Variants in TRUB1 observed in about 807,000 individuals in gnomAD.
TRUB1 encodes the protein TruB pseudouridine synthase family member 1.
TRUB1 carries 23 observed loss-of-function variants against 33.9 expected under a neutral mutation model. The ratio of observed to expected loss-of-function variants is 0.68; its 90% confidence interval spans 0.49 to 0.96. The LOEUF is 0.96. TRUB1 is among the 40% of genes least tolerant of loss of function. The pLI is 0.00. For synonymous variants in TRUB1, 163 were observed against 165.4 expected (o/e 0.99, Z 0.11); for missense variants, 378 against 422.2 (o/e 0.90, Z 0.92).
chr10:114,946,894 A>G (rs1471170825), intron 2 of TRUB1, among the ~76,000 whole-genome samples: 1 of 152,170 alleles, frequency 6.6e-6, no homozygotes, highest in Non-Finnish European at 1.5e-5. Flanking sequence ...TCTGTGTCCT[A>G]ATTTCCATAA....
Position 114,975,463 on chromosome 10 carries a change from C to A in TRUB1, c.*84C>A. 4.8e-6 allele frequency: 6 copies of A among 1,256,750 alleles called. No homozygotes were observed. The highest frequency in any genetic ancestry group is 2.5e-5 in the East Asian group (1 of 39,606). The allele number at this position is 1,256,750 out of a possible 1,614,324, so 77.8% of individuals were successfully genotyped here. On this transcript the variant is annotated 3_prime_UTR_variant, in exon 8 of 8. Transcript: ENST00000298746. ...AGAATGACAAGCTGCATTCAAAAGA[C>A]AAACAATATGTCTTTTTTTTTTTTG...
At chr10:114,965,673 G>A (rs538541309) in intron 4 of TRUB1, among the ~76,000 whole-genome samples, 1 of 152,210 alleles carries the variant, frequency 6.6e-6, no homozygotes, top group South Asian at 2.1e-4. Flanking sequence ...TTTACAGGTA[G>A]ACATCTGTTC....
At chr10:114,958,423 G>A (rs1011911126) in intron 3 of TRUB1, among the ~76,000 whole-genome samples, 9 of 151,968 alleles carry the variant, frequency 5.9e-5, no homozygotes, top group Non-Finnish European at 8.8e-5. Context: ...TGATTTCATC[G>A]AAGGGCCTTA....
At chr10:114,945,641 T>A (rs570663218) in intron 2 of TRUB1, among the ~76,000 whole-genome samples, 188 of 152,326 alleles carry the variant, frequency 1.2e-3, no homozygotes, top group African/African-American at 4.2e-3. Flanking sequence ...CCTACACAAA[T>A]CTGTAAACTT....
intron 2 of TRUB1, among the ~76,000 whole-genome samples, chr10:114,944,983 C>T (rs1402122920): frequency 1.3e-5 from 2 of 152,066 alleles, no homozygotes; most frequent in African/African-American, 4.8e-5. Context: ...AAACAAAAAC[C>T]CCAGTTAATA....
intron 3 of TRUB1, among the ~76,000 whole-genome samples, chr10:114,953,522 T>C (rs1005648694): frequency 2.6e-5 from 4 of 152,170 alleles, no homozygotes; most frequent in African/African-American, 9.7e-5. Flanking sequence ...GATCATCTTA[T>C]CTAGTGACTT....
At chr10:114,966,589 A>G (rs1304807342) in intron 4 of TRUB1, among the ~76,000 whole-genome samples, 2 of 152,222 alleles carry the variant, frequency 1.3e-5, no homozygotes, top group African/African-American at 4.8e-5. Context: ...ATTGACATCT[A>G]AACAATATCA....
intron 3 of TRUB1, among the ~76,000 whole-genome samples, chr10:114,955,529 G>T (rs2143021537): frequency 6.6e-6 from 1 of 152,320 alleles, no homozygotes; most frequent in South Asian, 2.1e-4. Context: ...GGCAAAGCCA[G>T]CATCTCCTCA....
At chr10:114,955,933 A>T (rs973292330) in intron 3 of TRUB1, among the ~76,000 whole-genome samples, 2 of 152,214 alleles carry the variant, frequency 1.3e-5, no homozygotes, top group African/African-American at 4.8e-5. Context: ...TAGGTTTTTT[A>T]AAAAGTGTTC....
At chr10:114,956,456 G>A (rs551225183) in intron 3 of TRUB1, among the ~76,000 whole-genome samples, 35 of 152,184 alleles carry the variant, frequency 2.3e-4, no homozygotes, top group African/African-American at 8.2e-4. Context: ...CTTTTTGGTC[G>A]TGAGGCTTTG....
chr10:114,946,612 G>A (rs986187019), intron 2 of TRUB1, among the ~76,000 whole-genome samples: 2 of 152,114 alleles, frequency 1.3e-5, no homozygotes, highest in East Asian at 3.9e-4. Context: ...AAAGTGCTGG[G>A]ATTACAGGTG....
intron 6 of TRUB1, among the ~76,000 whole-genome samples, chr10:114,973,399 C>A (rs536332550): frequency 1.3e-5 from 2 of 152,252 alleles, no homozygotes; most frequent in South Asian, 4.1e-4. Context: ...TCAAATATCA[C>A]GCAAGAGTGC....
At chr10:114,965,582 AGTTTG>A (rs777600639) in intron 4 of TRUB1, among the ~76,000 whole-genome samples, 5 of 152,172 alleles carry the variant, frequency 3.3e-5, no homozygotes, top group Non-Finnish European at 7.4e-5. Flanking sequence ...CTCATACAAT[AGTTTG>A]GGTGCTGTTC....
At chr10:114,959,615 A>G (rs2084276627) in intron 3 of TRUB1, 111 bp from the exon 4 acceptor site, 2 of 714,992 alleles carry the variant, frequency 2.8e-6, no homozygotes, top group South Asian at 3.3e-5. Flanking sequence ...TTTAGCCTGT[A>G]TTTTGTATCA....
chr10:114,962,751 T>C (rs1242729177), intron 4 of TRUB1, among the ~76,000 whole-genome samples: 1 of 152,182 alleles, frequency 6.6e-6, no homozygotes, highest in Non-Finnish European at 1.5e-5. Context: ...CATGCAGGTG[T>C]ATTTCAGCCA....
At chr10:114,951,217 T>C in intron 3 of TRUB1, 68 bp downstream of exon 3, 1 of 1,293,880 alleles carries the variant, frequency 7.7e-7, no homozygotes. Flanking sequence ...TGGGTTTTTA[T>C]CAAATAAAAA....
chr10:114,958,340 A>T (rs1287140234), intron 3 of TRUB1, among the ~76,000 whole-genome samples: 1 of 152,240 alleles, frequency 6.6e-6, no homozygotes, highest in Admixed American at 6.5e-5. Context: ...AAAAAAATTA[A>T]TTGAAATGCG....
At chr10:114,945,867 G>A (rs924762921) in intron 2 of TRUB1, among the ~76,000 whole-genome samples, 1 of 152,080 alleles carries the variant, frequency 6.6e-6, no homozygotes, top group African/African-American at 2.4e-5. Context: ...AAATTGTATT[G>A]GAAACAGTTT....
intron 3 of TRUB1, among the ~76,000 whole-genome samples, chr10:114,958,995 G>A (rs1310667738): frequency 6.6e-6 from 1 of 152,106 alleles, no homozygotes; most frequent in Admixed American, 6.5e-5. Context: ...AATTAGCCGG[G>A]CGTGGTGGCG....
Sources: allele counts gnomAD v4.1 joint callset (sites outside exome capture counted in the v4.1 genomes callset), GRCh38; gene constraint gnomAD v4.1.1; transcripts MANE v1.5; gene names NCBI Gene and HGNC (gene_info 2026-07-23, HGNC 2026-07-21).